Variants in RBPJ observed in about 807,000 individuals in gnomAD.
RBPJ encodes recombination signal binding protein for immunoglobulin kappa J region.
RBPJ carries 9 observed loss-of-function variants against 67.8 expected under a neutral mutation model. The ratio of observed to expected loss-of-function variants is 0.13; its 90% confidence interval spans 0.08 to 0.23. RBPJ has a LOEUF of 0.23. Among genes scored for constraint, RBPJ ranks in the 10% least tolerant of loss-of-function variants. The probability of loss-of-function intolerance (pLI) is 1.00; values close to 1 mark genes in which losing one functional copy is unlikely to be tolerated. For synonymous variants in RBPJ, 198 were observed against 203.3 expected (o/e 0.97, Z 0.22); for missense variants, 305 against 595.6 (o/e 0.51, Z 5.08).
chr4:26,165,991 G>C (rs1393989660), intron 1 of RBPJ, among the ~76,000 whole-genome samples: 2 of 151,362 alleles, frequency 1.3e-5, no homozygotes, highest in Non-Finnish European at 2.9e-5. Flanking sequence ...CCTTGCGATA[G>C]TATACTGAGA....
At chr4:26,192,009 A>AT (rs1222703588) in intron 1 of RBPJ, among the ~76,000 whole-genome samples, 5 of 115,168 alleles carry the variant, frequency 4.3e-5, no homozygotes, top group South Asian at 3.0e-4. Context: ...CATTCTTTAA[A>AT]ATTTTTTTTT....
At chr4:26,105,905 G>T in the RBPJ span, among the ~76,000 whole-genome samples, 19 of 152,232 alleles carry the variant, frequency 1.2e-4, no homozygotes, top group Non-Finnish European at 2.5e-4. Context: ...GGTGTGGACT[G>T]CAAGCAAATC....
In RBPJ at chr4:26,430,616, C is replaced by T; in HGVS notation, c.1149-76C>T. Reference sequence around the variant, plus strand: ...GCACTGATTGTAATGTATTAAACAACCTTGTGTTAAGTCTCATTTTTAACA... The same window carrying T: ...GCACTGATTGTAATGTATTAAACAATCTTGTGTTAAGTCTCATTTTTAACA... On this transcript the variant is annotated intron_variant, in intron 10 of 10. Coordinates refer to ENST00000355476, the MANE Select transcript of RBPJ (RefSeq NM_015874.6). The surrounding 1 kb of genome is among the most constrained non-coding windows in gnomAD (Gnocchi z 4.1). 2 of 1,546,502 alleles carry T rather than the reference C, an allele frequency of 1.3e-6. No homozygotes were observed. The highest frequency in any genetic ancestry group is 2.2e-5 in the East Asian group (1 of 44,446).
chr4:26,312,194 C>T (rs980694048), intron 1 of RBPJ, among the ~76,000 whole-genome samples: 5 of 151,674 alleles, frequency 3.3e-5, no homozygotes, highest in Non-Finnish European at 5.9e-5. Flanking sequence ...TGCAGTGGCA[C>T]GATCTCAGCT....
rs531097386 is a variant in RBPJ at position 26,346,924 on chromosome 4, G to A, written c.20+25876G>A. Among the ~76,000 whole-genome samples, 16 of 152,092 alleles carry A rather than the reference G, an allele frequency of 1.1e-4. No homozygotes were observed. The East Asian group carries it at 1.4e-3, about 13-fold the overall frequency. The stretch of plus-strand genomic sequence containing the variant: ...GGAGAATCACTTGAACCCGGGAGGC[G>A]GAGGTTGCAGTGAGCCGAGATTGCG... On this transcript the variant is annotated intron_variant, in intron 1 of 10. Transcript: ENST00000355476.
chr4:26,352,919 C>T (rs1726958844), intron 1 of RBPJ, among the ~76,000 whole-genome samples: 1 of 152,152 alleles, frequency 6.6e-6, no homozygotes, highest in South Asian at 2.1e-4. Context: ...ATCATTAATC[C>T]ATTGTTTTAG....
intron 1 of RBPJ, among the ~76,000 whole-genome samples, chr4:26,335,458 G>T (rs1157965498): frequency 1.3e-5 from 2 of 151,854 alleles, no homozygotes; most frequent in Non-Finnish European, 2.9e-5. Flanking sequence ...GGGATTACAG[G>T]CATGAGCCAC....
chr4:26,191,206 TATATAGAGAGAG>T (rs1384885875), intron 1 of RBPJ, among the ~76,000 whole-genome samples: 417 of 30,404 alleles, frequency 0.014, 3 homozygotes, highest in South Asian at 0.034. Context: ...TATATATATA[TATATAGAGAGAG>T]AGAGAGAGAG....
intron 4 of RBPJ, among the ~76,000 whole-genome samples, chr4:26,419,470 T>A (rs1282562223): frequency 6.6e-6 from 1 of 152,214 alleles, no homozygotes; most frequent in East Asian, 1.9e-4. Flanking sequence ...TTTTGTCTGC[T>A]ACCGAGGCTG....
chr4:26,386,270 G>C, intron 1 of RBPJ, 83 bp from the exon 2 acceptor site: 1 of 911,562 alleles, frequency 1.1e-6, no homozygotes, highest in Non-Finnish European at 1.7e-6. Flanking sequence ...TCATAAAAGA[G>C]ATTTTATGAT....
upstream of RBPJ, chr4:26,163,330 T>C (rs1716134659): frequency 1.3e-5 from 2 of 150,730 alleles, no homozygotes; most frequent in African/African-American, 4.9e-5. Context: ...TAATTTATGT[T>C]GGTCTTTACA....
At chr4:26,136,423 C>T in the RBPJ span, among the ~76,000 whole-genome samples, 9 of 152,226 alleles carry the variant, frequency 5.9e-5, no homozygotes, top group Non-Finnish European at 1.3e-4. Flanking sequence ...CTCATCCCAG[C>T]CTCCACATCT....
intron 1 of RBPJ, among the ~76,000 whole-genome samples, chr4:26,363,915 TA>T (rs1430688780): frequency 7.2e-5 from 11 of 152,352 alleles, no homozygotes; most frequent in Admixed American, 7.2e-4. Context: ...TTTATTTTTA[TA>T]AAATTTTGAG....
intron 1 of RBPJ, among the ~76,000 whole-genome samples, chr4:26,326,136 T>TTG (rs1046270996): frequency 2.0e-5 from 3 of 152,118 alleles, no homozygotes; most frequent in East Asian, 3.8e-4. Context: ...AATTTTAAAA[T>TTG]TGTGTGTGTG....
chr4:26,322,840 GTTAT>G (rs1483641966), intron 1 of RBPJ: 1 of 151,734 alleles, frequency 6.6e-6, no homozygotes, highest in Non-Finnish European at 1.5e-5. Context: ...AATGACTTGA[GTTAT>G]TCTGGGTGCT....
intron 1 of RBPJ, among the ~76,000 whole-genome samples, chr4:26,300,133 T>C (rs115162906): frequency 0.013 from 2,037 of 152,228 alleles, 13 homozygotes; most frequent in Non-Finnish European, 0.022. Flanking sequence ...TCTGCCCACT[T>C]CTGACCAGAG....
intron 1 of RBPJ, among the ~76,000 whole-genome samples, chr4:26,335,715 G>A (rs1724752410): frequency 6.7e-6 from 1 of 149,206 alleles, no homozygotes; most frequent in Non-Finnish European, 1.5e-5. Context: ...CACCTCCTGG[G>A]TTTTACGCCA....
chr4:26,339,703 A>C, intron 1 of RBPJ, among the ~76,000 whole-genome samples: 1 of 151,992 alleles, frequency 6.6e-6, no homozygotes, highest in East Asian at 1.9e-4. Context: ...AATCAGTGAG[A>C]AAAAGAGCAT....
chr4:26,254,843 A>ATTTTTTTTTTTTTTTTTTTTTTTTTTTTT (rs71643604), intron 1 of RBPJ, among the ~76,000 whole-genome samples: 1 of 16,548 alleles, frequency 6.0e-5, no homozygotes, highest in Non-Finnish European at 1.1e-4. Flanking sequence ...ATGCCCAGCT[A>ATTTTTTTTTTTTTTTTTTTTTTTTTTTTT]TTTTTTTTTT....
Sources: allele counts gnomAD v4.1 joint callset (sites outside exome capture counted in the v4.1 genomes callset), GRCh38; gene constraint gnomAD v4.1.1; non-coding constraint Gnocchi (gnomAD v3.1); transcripts MANE v1.5; gene names NCBI Gene and HGNC (gene_info 2026-07-23, HGNC 2026-07-21).